RARB: variants seen among roughly 807,000 people sequenced by gnomAD.
The protein encoded by RARB is HBV-activated protein.
A neutral mutation model predicts 51.9 loss-of-function variants in RARB; 17 were observed. The observed-to-expected ratio is 0.33, with a 90% CI of 0.22 to 0.49. The LOEUF (loss-of-function observed/expected upper bound fraction) is 0.49, where lower values mean the gene tolerates loss of function less well. Among genes scored for constraint, RARB ranks in the 20% least tolerant of loss-of-function variants. The probability of loss-of-function intolerance (pLI) is 0.99; values close to 1 mark genes in which losing one functional copy is unlikely to be tolerated. For missense variants in RARB, 369 were observed against 550.8 expected, an observed-to-expected ratio of 0.67 and a Z score of 3.30; for synonymous variants, 215 against 195.4, an observed-to-expected ratio of 1.10 and a Z score of -0.84.
At chr3:25,214,867 A>G (rs930068291) in intron 5 of RARB, among the ~76,000 whole-genome samples, 14 of 152,208 alleles carry the variant, frequency 9.2e-5, no homozygotes, top group African/African-American at 2.7e-4. Flanking sequence ...AAGAAGACCT[A>G]TGACCTTCAC....
chr3:25,489,902 C>A (rs1030016484), intron 2 of RARB, among the ~76,000 whole-genome samples: 37 of 152,368 alleles, frequency 2.4e-4, no homozygotes, highest in Admixed American at 1.3e-4. Flanking sequence ...GGTCGATACT[C>A]TTAGCATTAT....
At chr3:24,960,936 A>C (rs1160070969) in intron 2 of RARB, among the ~76,000 whole-genome samples, 7 of 152,216 alleles carry the variant, frequency 4.6e-5, no homozygotes, top group Non-Finnish European at 1.0e-4. Flanking sequence ...ACAGGTTGTG[A>C]AATCTTGAGG....
intron 2 of RARB, among the ~76,000 whole-genome samples, chr3:25,056,606 G>A (rs141841178): frequency 9.4e-4 from 143 of 152,126 alleles, no homozygotes; most frequent in Admixed American, 2.9e-3. Flanking sequence ...CCTCTTAGTA[G>A]CAGTTTCATT....
intron 2 of RARB, among the ~76,000 whole-genome samples, chr3:25,000,146 G>A (rs1358959936): frequency 6.6e-6 from 1 of 152,100 alleles, no homozygotes; most frequent in Non-Finnish European, 1.5e-5. Flanking sequence ...CCAGTCAAAC[G>A]ACAGGTGTCC....
chr3:25,569,214 G>A (rs1467134395), intron 3 of RARB, among the ~76,000 whole-genome samples: 2 of 152,206 alleles, frequency 1.3e-5, no homozygotes, highest in Non-Finnish European at 2.9e-5. Context: ...AGTTTAGAAA[G>A]CAGAAAAACA....
At chr3:25,216,193 T>A (rs1361540682) in intron 5 of RARB, among the ~76,000 whole-genome samples, 1 of 152,180 alleles carries the variant, frequency 6.6e-6, no homozygotes, top group Non-Finnish European at 1.5e-5. Context: ...ATGGGCCCCC[T>A]GCTTGCTGCC....
chr3:25,533,804 G>A (rs1005220599), intron 3 of RARB, among the ~76,000 whole-genome samples: 5 of 152,218 alleles, frequency 3.3e-5, no homozygotes, highest in African/African-American at 9.6e-5. Flanking sequence ...TTTAAATTAT[G>A]TAATTGAAAG....
chr3:24,926,232 G>T (rs780862170), intron 2 of RARB, among the ~76,000 whole-genome samples: 1 of 152,068 alleles, frequency 6.6e-6, no homozygotes, highest in African/African-American at 2.4e-5. Flanking sequence ...TTAAACATTA[G>T]GGGAGAAGAA....
chr3:25,520,553 A>G (rs958256203), intron 3 of RARB, among the ~76,000 whole-genome samples: 1 of 152,210 alleles, frequency 6.6e-6, no homozygotes, highest in Non-Finnish European at 1.5e-5. Context: ...CCAACTGATA[A>G]CTCTTTTTTT....
intron 3 of RARB, among the ~76,000 whole-genome samples, chr3:25,507,193 T>C (rs1288318999): frequency 1.3e-5 from 2 of 152,270 alleles, no homozygotes; most frequent in African/African-American, 4.8e-5. Flanking sequence ...GCATGCATCA[T>C]GTCTTTCTCA....
chr3:24,842,484 C>A (rs1056527476), intron 1 of RARB, among the ~76,000 whole-genome samples: 12 of 152,256 alleles, frequency 7.9e-5, no homozygotes, highest in Non-Finnish European at 1.6e-4. Context: ...GCACAAGACT[C>A]CCTTGGCCAA....
At chr3:25,455,687 C>T (rs557282574) in intron 1 of RARB, among the ~76,000 whole-genome samples, 1 of 152,286 alleles carries the variant, frequency 6.6e-6, no homozygotes, top group African/African-American at 2.4e-5. Flanking sequence ...TGACTGTGCT[C>T]TGGGCGGGGA....
chr3:25,098,549 A>C (rs897858890), intron 3 of RARB, among the ~76,000 whole-genome samples: 16 of 152,198 alleles, frequency 1.1e-4, no homozygotes, highest in Admixed American at 9.8e-4. Context: ...GGAAAAGATG[A>C]ACCTAGATCA....
chr3:25,037,979 A>G (rs983950941), intron 2 of RARB, among the ~76,000 whole-genome samples: 38 of 152,222 alleles, frequency 2.5e-4, no homozygotes, highest in African/African-American at 8.2e-4. Context: ...CCTAGCCATG[A>G]TAAGTAACAA....
intron 5 of RARB, among the ~76,000 whole-genome samples, chr3:25,211,094 G>C (rs1237915719): frequency 6.6e-6 from 1 of 152,142 alleles, no homozygotes; most frequent in African/African-American, 2.4e-5. Flanking sequence ...CTGGGACATA[G>C]TAAGCTGTTA....
intron 4 of RARB, among the ~76,000 whole-genome samples, chr3:25,146,499 G>GTTTTTTTTTTTTTTTTTTTTTT (rs1413825514): frequency 3.8e-5 from 4 of 104,384 alleles, no homozygotes; most frequent in Non-Finnish European, 6.0e-5. Flanking sequence ...TAAGTTTTTT[G>GTTTTTTTTTTTTTTTTTTTTTT]TTTGTTTGTT....
intron 5 of RARB, among the ~76,000 whole-genome samples, chr3:25,300,049 T>G (rs1704004661): frequency 6.6e-6 from 1 of 152,246 alleles, no homozygotes; most frequent in Non-Finnish European, 1.5e-5. Context: ...CATTTAAGCA[T>G]AGTCTTCGTA....
intron 5 of RARB, among the ~76,000 whole-genome samples, chr3:25,364,767 A>G (rs145933640): frequency 5.4e-4 from 83 of 152,332 alleles, no homozygotes; most frequent in African/African-American, 2.0e-3. Flanking sequence ...CAGCAATTCA[A>G]TATATAACTT....
chr3:24,831,893 T>G (rs1249925402), intron 1 of RARB, among the ~76,000 whole-genome samples: 1 of 152,222 alleles, frequency 6.6e-6, no homozygotes, highest in Non-Finnish European at 1.5e-5. Context: ...GAAGCAGTTT[T>G]GTTAATCTGA....
Sources: gnomAD v4.1 joint callset for allele counts (sites outside exome capture counted in the v4.1 genomes callset) on GRCh38, gnomAD v4.1.1 for gene constraint, MANE v1.5 for transcripts, NCBI Gene and HGNC (gene_info 2026-07-23, HGNC 2026-07-21) for gene names.